Variants in GSAP observed in about 807,000 individuals in gnomAD.
GSAP encodes gamma-secretase-activating protein.
Under a neutral mutation model 131.7 loss-of-function variants are expected in GSAP, and 118 were observed. The observed-to-expected ratio is 0.90, with a 90% CI of 0.77 to 1.04. The LOEUF (loss-of-function observed/expected upper bound fraction) is 1.04. GSAP is among the 50% of genes least tolerant of loss of function. GSAP has a pLI of 0.00. For missense variants in GSAP, 1,019 were observed against 1,013.2 expected (o/e 1.01, Z -0.08); for synonymous variants, 381 against 363.4 (o/e 1.05, Z -0.55).
intron 5 of GSAP, among the ~76,000 whole-genome samples, chr7:77,391,774 A>G (rs1432898133): frequency 1.3e-5 from 2 of 152,186 alleles, no homozygotes; most frequent in Non-Finnish European, 2.9e-5. Flanking sequence ...GGTCGAGGCT[A>G]TAGTGAGCCA....
Position 77,387,429 on chromosome 7 carries a change from C to T in GSAP, c.387G>A (p.Leu129=), listed in dbSNP as rs969814294. 1.3e-6 allele frequency: 2 copies of T among 1,589,670 alleles called. No homozygotes were observed. The highest frequency in any genetic ancestry group is 1.7e-6 in the Non-Finnish European group (2 of 1,157,762). ...ELQPGSKCLT[L]LVEIHPVNNV... is the part of the protein sequence containing the mutation. Reference sequence around the variant, plus strand: ...TGTTAACAGGGTGGATTTCAACCAACAAAGTCAAGCACTTTGATCCTACAG... The same window carrying T: ...TGTTAACAGGGTGGATTTCAACCAATAAAGTCAAGCACTTTGATCCTACAG... Residue 129 remains leucine, a synonymous_variant, in exon 6 of 31, where the codon TTG becomes TTA. Transcript: ENST00000257626.
intron 21 of GSAP, among the ~76,000 whole-genome samples, 171 bp from the exon 22 acceptor site, chr7:77,328,808 G>A (rs772193206): frequency 3.3e-5 from 5 of 152,094 alleles, no homozygotes; most frequent in Non-Finnish European, 7.4e-5. Context: ...AGCCACATTA[G>A]GCAATTAAAA....
chr7:77,416,062 A>C (rs963339994), intron 1 of GSAP, 151 bp downstream of exon 1: 10 of 486,736 alleles, frequency 2.1e-5, no homozygotes, highest in South Asian at 1.3e-4. Context: ...GGCAAAGCCA[A>C]AACAGCCCTC....
intron 12 of GSAP, among the ~76,000 whole-genome samples, chr7:77,368,855 C>T (rs554432542): frequency 1.3e-5 from 2 of 152,292 alleles, no homozygotes; most frequent in African/African-American, 4.8e-5. Flanking sequence ...TAAAGGTTAG[C>T]TGGTGTTATT....
intron 26 of GSAP, 21 bp from the exon 27 acceptor site, chr7:77,314,510 G>T (rs764504868): frequency 1.2e-6 from 2 of 1,612,736 alleles, no homozygotes; most frequent in Non-Finnish European, 1.7e-6. Context: ...AGATCTGGAG[G>T]GTAAACACAG....
intron 21 of GSAP, 105 bp downstream of exon 21, chr7:77,329,228 G>C (rs1788730471): frequency 1.7e-6 from 1 of 583,890 alleles, no homozygotes; most frequent in East Asian, 3.2e-5. Flanking sequence ...TTTTGCTGGG[G>C]ATATGCAACA....
At chr7:77,415,066 A>G (rs1006372785) in intron 1 of GSAP, among the ~76,000 whole-genome samples, 9 of 152,064 alleles carry the variant, frequency 5.9e-5, no homozygotes, top group Non-Finnish European at 8.8e-5. Flanking sequence ...CTCCACCTCG[A>G]AAAAAAGTAA....
chr7:77,356,428 A>G (rs149171084), intron 14 of GSAP, among the ~76,000 whole-genome samples: 150 of 152,304 alleles, frequency 9.8e-4, no homozygotes, highest in African/African-American at 3.4e-3. Context: ...GGAAGCTCTA[A>G]AATTTTGTTG....
intron 26 of GSAP, among the ~76,000 whole-genome samples, chr7:77,319,594 T>G (rs1415547949): frequency 6.6e-6 from 1 of 152,244 alleles, no homozygotes; most frequent in Non-Finnish European, 1.5e-5. Flanking sequence ...GATATGTATA[T>G]ACTCCCATGT....
At chr7:77,321,228 C>A (rs1787599897) in intron 25 of GSAP, 105 bp downstream of exon 25, 1 of 728,754 alleles carries the variant, frequency 1.4e-6, no homozygotes, top group Non-Finnish European at 2.5e-6. Flanking sequence ...GGTGTTGAAG[C>A]TGGTGAGAAC....
intron 19 of GSAP, chr7:77,330,788 T>A: frequency 3.0e-6 from 3 of 985,268 alleles, no homozygotes; most frequent in Non-Finnish European, 3.6e-6. Flanking sequence ...AACATTTGGA[T>A]AAATGGAGTA....
At chr7:77,321,493 C>A in intron 24 of GSAP, 90 bp from the exon 25 acceptor site, 2 of 818,640 alleles carry the variant, frequency 2.4e-6, no homozygotes, top group Non-Finnish European at 4.3e-6. Context: ...ATAAGCATTT[C>A]AGGGCAGCTG....
rs751787121 is a variant in GSAP at position 77,362,614 on chromosome 7, T to A, written c.918A>T (p.Gln306His). Residue 306 changes from glutamine (Q) to histidine (H), a missense_variant, in exon 13 of 31, where the codon CAA (glutamine) becomes CAT (histidine). Coordinates refer to ENST00000257626, the MANE Select transcript of GSAP (RefSeq NM_017439.4). ...CYSPKCASWG[Q>H]ITYSVFYIHK... The stretch of plus-strand genomic sequence containing the variant: ...GAATGTAAAACACTGAATATGTGAT[T>A]TGTCCCCAAGAGGCACACTTCGGGC... 1 of 1,584,654 alleles carries A rather than the reference T, an allele frequency of 6.3e-7. No individual in the cohort carries two copies. The highest frequency in any genetic ancestry group is 2.2e-5 in the East Asian group (1 of 44,718).
At chr7:77,412,413 A>C (rs555404357) in intron 1 of GSAP, among the ~76,000 whole-genome samples, 1 of 152,202 alleles carries the variant, frequency 6.6e-6, no homozygotes, top group Non-Finnish European at 1.5e-5. Flanking sequence ...AAAGCTTCCA[A>C]AAGTTAATAC....
chr7:77,366,428 G>T (rs1272583924), intron 12 of GSAP, among the ~76,000 whole-genome samples: 2 of 152,094 alleles, frequency 1.3e-5, no homozygotes, highest in African/African-American at 4.8e-5. Flanking sequence ...TGTAAGGAAG[G>T]GTTCCAGTTT....
chr7:77,357,244 T>A (rs1346125887), intron 14 of GSAP, among the ~76,000 whole-genome samples: 1 of 152,154 alleles, frequency 6.6e-6, no homozygotes, highest in East Asian at 1.9e-4. Flanking sequence ...GAACAGGGAA[T>A]TTTTGTCTCA....
intron 6 of GSAP, among the ~76,000 whole-genome samples, chr7:77,386,720 G>T (rs1798632568): frequency 6.6e-6 from 1 of 152,136 alleles, no homozygotes; most frequent in Non-Finnish European, 1.5e-5. Flanking sequence ...TTGAAAGATG[G>T]AACTAGGCCA....
chr7:77,408,464 T>A (rs1802675007), intron 1 of GSAP, among the ~76,000 whole-genome samples: 1 of 152,000 alleles, frequency 6.6e-6, no homozygotes, highest in Admixed American at 6.6e-5. Context: ...TTTGGAAGGC[T>A]GAGGTAGATG....
chr7:77,383,976 T>C (rs967542944), intron 6 of GSAP, among the ~76,000 whole-genome samples: 5 of 152,224 alleles, frequency 3.3e-5, no homozygotes, highest in Admixed American at 6.5e-5. Context: ...GCAAAACATA[T>C]GCTTCACAGC....
Sources: allele counts gnomAD v4.1 joint callset (sites outside exome capture counted in the v4.1 genomes callset), GRCh38; gene constraint gnomAD v4.1.1; transcripts MANE v1.5; gene names NCBI Gene and HGNC (gene_info 2026-07-23, HGNC 2026-07-21).